Variants in PDPR observed in about 807,000 individuals in gnomAD.
The protein encoded by PDPR is pyruvate dehydrogenase phosphatase regulatory subunit, mitochondrial.
Under a neutral mutation model 102.2 loss-of-function variants are expected in PDPR, and 50 were observed. The observed-to-expected ratio is 0.49, with a 90% CI of 0.39 to 0.62. The LOEUF (loss-of-function observed/expected upper bound fraction) is 0.62. PDPR is among the 20% of genes least tolerant of loss of function. The pLI is 0.00. For synonymous variants in PDPR, 259 were observed against 406.0 expected (o/e 0.64, Z 4.35); for missense variants, 625 against 1,098.2 (o/e 0.57, Z 6.09).
chr16:70,125,237 ATGG>A (rs1360210225), intron 3 of PDPR, among the ~76,000 whole-genome samples: 2 of 152,266 alleles, frequency 1.3e-5, no homozygotes, highest in Non-Finnish European at 2.9e-5. Flanking sequence ...TTAGCCAGGC[ATGG>A]TGGTGCACAC....
chr16:70,157,227 G>A lies in PDPR; in HGVS notation c.*348G>A, dbSNP rs560574735. The A allele has an allele frequency of 1.8e-4, 96 of 532,836 alleles. No individual in the cohort carries two copies. Among genetic ancestry groups the A allele is most frequent in the Admixed American group, 1.2e-3 (55 of 44,018 alleles). The allele number at this position is 532,836 out of a possible 1,614,324, so 33.0% of individuals were successfully genotyped here. On this transcript the variant is annotated 3_prime_UTR_variant, in exon 19 of 19. Coordinates refer to ENST00000288050, the MANE Select transcript of PDPR (RefSeq NM_017990.5). ...TTTCAAATTCTGCATCTCAAGGCAG[G>A]GCAAGCCGGGGTGGTGCAGGTCTCA...
intron 2 of PDPR, among the ~76,000 whole-genome samples, chr16:70,119,250 T>C (rs1191377588): frequency 6.6e-6 from 1 of 152,046 alleles, no homozygotes; most frequent in East Asian, 1.9e-4. Context: ...CACTTGAGCC[T>C]AGGAAGTCAA....
chr16:70,137,598 C>T (rs1365875609), intron 10 of PDPR, among the ~76,000 whole-genome samples: 2 of 152,214 alleles, frequency 1.3e-5, no homozygotes, highest in African/African-American at 4.8e-5. Context: ...AAGGTTACAC[C>T]GCAGTGTGAA....
Position 70,138,918 on chromosome 16 carries a change from G to C in PDPR, c.1210G>C (p.Val404Leu). 6.2e-7 allele frequency: 1 copy of C among 1,613,084 alleles called. No homozygotes were observed. The highest frequency in any genetic ancestry group is 8.5e-7 in the Non-Finnish European group (1 of 1,179,360). Residue 404 changes from valine to leucine, a missense_variant, in exon 11 of 19, where the codon GTA becomes CTA. Coordinates refer to ENST00000288050, the MANE Select transcript of PDPR (RefSeq NM_017990.5). ...ATATAGGTACCTTGCCGAATGGATGGTACATGGTTATCCCTCAGAAAACGT... is the reference window on the plus strand; with the variant it reads ...ATATAGGTACCTTGCCGAATGGATGCTACATGGTTATCCCTCAGAAAACGT... ...GAGKYLAEWMVHGYPSENVWE... is the reference protein window; with the variant it reads ...GAGKYLAEWMLHGYPSENVWE...
intron 2 of PDPR, among the ~76,000 whole-genome samples, chr16:70,115,233 C>T (rs1217427705): frequency 6.6e-6 from 1 of 152,094 alleles, no homozygotes; most frequent in African/African-American, 2.4e-5. Flanking sequence ...AAGCAATTCT[C>T]CTGCCTCAGC....
At chr16:70,122,105 G>C (rs561319662) in intron 3 of PDPR, among the ~76,000 whole-genome samples, 1 of 152,204 alleles carries the variant, frequency 6.6e-6, no homozygotes, top group Non-Finnish European at 1.5e-5. Context: ...TCCTGCCTCA[G>C]CCTCCCGAGT....
chr16:70,126,427 A>G (rs1362319608), intron 3 of PDPR, among the ~76,000 whole-genome samples: 1 of 152,246 alleles, frequency 6.6e-6, no homozygotes, highest in African/African-American at 2.4e-5. Context: ...GCCGTGGCAC[A>G]GTCTTGACTC....
chr16:70,162,934 C>G (rs139215526), downstream of PDPR, among the ~76,000 whole-genome samples: 47 of 152,364 alleles, frequency 3.1e-4, no homozygotes, highest in African/African-American at 1.1e-3. Context: ...ACAAGTTGGT[C>G]CCTGGACTTG....
rs1161024767 is a variant in PDPR, at chr16:70,161,920, T to C, written c.*5041T>C. ...TGTCAAAGACAGAAATTACAGGAGA[T>C]AGGGAGGGTTTTTTAGCATCTCTTT... On this transcript the variant is annotated 3_prime_UTR_variant, in exon 19 of 19. Coordinates refer to ENST00000288050, the MANE Select transcript of PDPR (RefSeq NM_017990.5). 6.6e-6 allele frequency: 1 copy of C among 152,380 alleles called. No individual in the cohort carries two copies. The highest frequency in any genetic ancestry group is 1.5e-5 in the Non-Finnish European group (1 of 68,100). 9.4% of individuals were successfully genotyped at this position (152,380 alleles called of 1,614,324 possible). A position where few individuals can be genotyped will look rare whatever the true frequency, so the allele number is the denominator to read the frequency against.
chr16:70,154,366 A>G (rs573816120), intron 18 of PDPR, among the ~76,000 whole-genome samples: 1 of 152,178 alleles, frequency 6.6e-6, no homozygotes, highest in East Asian at 2.0e-4. Context: ...ACACTTGGTC[A>G]GGTGCGGTGG....
intron 3 of PDPR, among the ~76,000 whole-genome samples, chr16:70,121,309 AT>A (rs1963243324): frequency 6.6e-6 from 1 of 151,692 alleles, no homozygotes; most frequent in African/African-American, 2.4e-5. Flanking sequence ...CTTTATATTA[AT>A]TTGTAATAGT....
intron 10 of PDPR, among the ~76,000 whole-genome samples, chr16:70,138,282 G>A (rs1470964512): frequency 1.4e-5 from 2 of 143,476 alleles, no homozygotes; most frequent in Admixed American, 7.4e-5. Context: ...GCAATGGCGT[G>A]ATCTAGGCTT....
At chr16:70,117,800 G>GA (rs1325272000) in intron 2 of PDPR, among the ~76,000 whole-genome samples, 2 of 151,974 alleles carry the variant, frequency 1.3e-5, no homozygotes, top group African/African-American at 4.8e-5. Context: ...GAGGGCATCA[G>GA]AAAGTCATTA....
chr16:70,161,785 T>C lies in PDPR; in HGVS notation c.*4906T>C, dbSNP rs1255877234. 2.6e-5 allele frequency: 4 copies of C among 152,418 alleles called. No individual in the cohort carries two copies. Among genetic ancestry groups the C allele is most frequent in the Non-Finnish European group, 5.9e-5 (4 of 68,112 alleles). The allele number at this position is 152,418 out of a possible 1,614,324, so 9.4% of individuals were successfully genotyped here. A position where few individuals can be genotyped will look rare whatever the true frequency, so the allele number is the denominator to read the frequency against. On this transcript the variant is annotated 3_prime_UTR_variant, in exon 19 of 19. Transcript: ENST00000288050. ...GTTCTTGACTTCTCTGAGCAGAGTGTCTGCATCTCTTGGAGAGTTACACAT... is the reference window on the plus strand; with the variant it reads ...GTTCTTGACTTCTCTGAGCAGAGTGCCTGCATCTCTTGGAGAGTTACACAT...
rs1300892933 is a variant in PDPR at position 70,156,701 on chromosome 16, C to G, written c.2462C>G (p.Ser821Cys). The G allele has an allele frequency of 4.2e-5, 67 of 1,613,858 alleles. No individual in the cohort carries two copies. The highest frequency in any genetic ancestry group is 5.3e-5 in the Non-Finnish European group (62 of 1,179,884). ...TGCCTGGGCTTTGTGCACAATTTTT[C>G]TGAGGACACGGGGGAAGAGCAAGTG... ...HVCLGFVHNFSEDTGEEQVVT... is the reference protein window; with the variant it reads ...HVCLGFVHNFCEDTGEEQVVT... The change falls in exon 19 of 19, where the codon TCT (serine) becomes TGT (cysteine). Residue 821 changes from serine to cysteine, a missense_variant. Ser to Cys is a moderately radical substitution (Grantham distance 112). Transcript: ENST00000288050.
At chr16:70,135,064 C>T (rs926162330) in intron 9 of PDPR, among the ~76,000 whole-genome samples, 1 of 152,178 alleles carries the variant, frequency 6.6e-6, no homozygotes, top group Non-Finnish European at 1.5e-5. Flanking sequence ...GACTATGTGT[C>T]TACTAAACAA....
chr16:70,154,032 AGCCGGG>A (rs1966867022), intron 18 of PDPR, among the ~76,000 whole-genome samples: 1 of 152,264 alleles, frequency 6.6e-6, no homozygotes, highest in Admixed American at 6.5e-5. Flanking sequence ...ACAAAAAATT[AGCCGGG>A]TGTGGTTGCG....
At chr16:70,119,908 T>TTTG (rs1963043445) in intron 2 of PDPR, among the ~76,000 whole-genome samples, 1 of 117,302 alleles carries the variant, frequency 8.5e-6, no homozygotes, top group Non-Finnish European at 1.7e-5. Context: ...TTTGTTTTTT[T>TTTG]TTTGTTTGTT....
At chr16:70,144,825 C>T (rs1966083768) in intron 15 of PDPR, among the ~76,000 whole-genome samples, 1 of 152,210 alleles carries the variant, frequency 6.6e-6, no homozygotes, top group African/African-American at 2.4e-5. Context: ...CGTGGTGGCA[C>T]ACACCTGTAA....
Sources: allele counts gnomAD v4.1 joint callset (sites outside exome capture counted in the v4.1 genomes callset), GRCh38; gene constraint gnomAD v4.1.1; transcripts MANE v1.5; gene names NCBI Gene and HGNC (gene_info 2026-07-23, HGNC 2026-07-21).